The following CDH22 variants were observed in gnomAD, a reference collection of about 807,000 sequenced individuals.
The protein encoded by CDH22 is cadherin-22.
Under a neutral mutation model 58.4 loss-of-function variants are expected in CDH22, and 30 were observed. The observed-to-expected ratio is 0.51, with a 90% confidence interval of 0.38 to 0.70. The LOEUF (loss-of-function observed/expected upper bound fraction) is 0.70. CDH22 is among the 30% of genes least tolerant of loss of function. The probability of loss-of-function intolerance (pLI) is 0.00; values close to 1 mark genes in which losing one functional copy is unlikely to be tolerated. For synonymous variants in CDH22, 513 were observed against 558.2 expected (o/e 0.92, Z 1.14); for missense variants, 1,014 against 1,233.9 (o/e 0.82, Z 2.67).
At position 46,216,729 on chromosome 20, in the gene CDH22, G is replaced by C; in HGVS notation, c.838+97C>G. ...AAGAGAGGGGGAAGCCCTTCTTTTG[G>C]TGGGAAGTCTAAAGGGAAGCTGGGG... On this transcript the variant is annotated intron_variant, in intron 5 of 11. Coordinates refer to ENST00000537909, the MANE Select transcript of CDH22 (RefSeq NM_021248.3). This position sits in a 1 kb window ranked among gnomAD's most constrained non-coding sequence, Gnocchi z 5.3. 8.7e-7 allele frequency: 1 copy of C among 1,152,044 alleles called. No homozygotes were observed. Among genetic ancestry groups the C allele is most frequent in the Non-Finnish European group, 1.3e-6 (1 of 795,446 alleles). The allele number at this position is 1,152,044 out of a possible 1,614,324, so 71.4% of individuals were successfully genotyped here.
intron 1 of CDH22, among the ~76,000 whole-genome samples, chr20:46,288,604 C>G (rs1396101494): frequency 1.3e-5 from 2 of 152,176 alleles, no homozygotes; most frequent in African/African-American, 2.4e-5. Context: ...AGTCCTACCC[C>G]CAACCACACA....
chr20:46,241,821 CA>C lies in CDH22; in HGVS notation c.256-565del, dbSNP rs1295581144. ...TAGGATGGCTGTAGCCAGCACTTCT[CA>C]AACTCTAGTATGCATGCAGTTCACC... On this transcript the variant is annotated intron_variant, in intron 2 of 11. Transcript: ENST00000537909. This position sits in a 1 kb window ranked among gnomAD's most constrained non-coding sequence, Gnocchi z 5.2. Among the ~76,000 whole-genome samples the C allele has an allele frequency of 3.3e-5, 5 of 152,232 alleles. No homozygotes were observed. The highest frequency in any genetic ancestry group is 1.2e-4 in the African/African-American group (5 of 41,460).
chr20:46,193,574 C>T (rs913029391), intron 8 of CDH22, among the ~76,000 whole-genome samples: 44 of 152,282 alleles, frequency 2.9e-4, no homozygotes, highest in African/African-American at 1.0e-3. Flanking sequence ...TCCCTGTCAC[C>T]TCCAGGAGAT....
chr20:46,209,236 C>G lies in CDH22; in HGVS notation c.1286+1071G>C, dbSNP rs569171122. On this transcript the variant is annotated intron_variant, in intron 7 of 11. Coordinates refer to ENST00000537909, the MANE Select transcript of CDH22 (RefSeq NM_021248.3). The stretch of plus-strand genomic sequence containing the variant: ...GACCTGGAGGAAGTGAGAGAGCGAA[C>G]TATGGGGGCTATTAGGGCGAGAACG... 6.7e-4 allele frequency among the ~76,000 whole-genome samples: 102 copies of G among 152,250 alleles called. 1 individual carries two copies. The highest frequency in any genetic ancestry group is 1.2e-4 in the Non-Finnish European group (8 of 68,024).
chr20:46,232,880 G>A (rs1047370718), intron 3 of CDH22, among the ~76,000 whole-genome samples: 2 of 152,214 alleles, frequency 1.3e-5, no homozygotes, highest in African/African-American at 4.8e-5. Flanking sequence ...TGGCACACAG[G>A]AGATGCAGGA....
chr20:46,232,528 T>TATTATGAAGA (rs2086226709), intron 3 of CDH22, among the ~76,000 whole-genome samples: 1 of 152,122 alleles, frequency 6.6e-6, no homozygotes, highest in Non-Finnish European at 1.5e-5. Flanking sequence ...ATGAAGACGT[T>TATTATGAAGA]TGTAATTATT....
intron 11 of CDH22, among the ~76,000 whole-genome samples, chr20:46,175,987 A>T (rs1243674004): frequency 6.6e-6 from 1 of 152,202 alleles, no homozygotes; most frequent in African/African-American, 2.4e-5. Flanking sequence ...TGACTAAAGG[A>T]AGAGTTGGAT....
chr20:46,181,748 C>CTTCG (rs1281203240), intron 10 of CDH22, among the ~76,000 whole-genome samples: 2 of 26,320 alleles, frequency 7.6e-5, no homozygotes, highest in East Asian at 1.2e-3. Context: ...TCCTTCCTTC[C>CTTCG]TTCCTTCTTT....
At chr20:46,277,896 C>A (rs1027185422) in intron 1 of CDH22, among the ~76,000 whole-genome samples, 3 of 151,678 alleles carry the variant, frequency 2.0e-5, no homozygotes, top group African/African-American at 7.3e-5. Context: ...GGGGCGGTAG[C>A]TGGAGAGGAA....
intron 7 of CDH22, 109 bp from the exon 8 acceptor site, chr20:46,199,668 C>G (rs2085940359): frequency 7.4e-7 from 1 of 1,353,136 alleles, no homozygotes; most frequent in Non-Finnish European, 1.0e-6. Flanking sequence ...CTTGGACACA[C>G]ACAAGGGGCA....
At chr20:46,263,915 G>A (rs1174734085) in intron 1 of CDH22, among the ~76,000 whole-genome samples, 3 of 152,204 alleles carry the variant, frequency 2.0e-5, no homozygotes, top group African/African-American at 7.2e-5. Context: ...GGACCCGTGA[G>A]AAGGTGGTGG....
rs550090428 is a variant in CDH22, at chr20:46,203,923, G to A, written c.1287-4364C>T. Among the ~76,000 whole-genome samples, 12 of 152,276 alleles carry A rather than the reference G, an allele frequency of 7.9e-5. No individual in the cohort carries two copies. In the South Asian group the frequency reaches 2.5e-3, roughly 32 times the overall value. ...AGAACAGGTGAGGCTGGGGGAATAG[G>A]GAGAGAATATGAGTTTGTGGCAGCT... On this transcript the variant is annotated intron_variant, in intron 7 of 11. Transcript: ENST00000537909.
intron 1 of CDH22, among the ~76,000 whole-genome samples, chr20:46,257,690 A>G (rs111804020): frequency 1.2e-4 from 19 of 152,372 alleles, no homozygotes; most frequent in African/African-American, 4.6e-4. Context: ...GATACGGAGC[A>G]GGCTCCTGTA....
intron 1 of CDH22, among the ~76,000 whole-genome samples, chr20:46,307,607 G>A (rs1490638367): frequency 2.6e-5 from 4 of 152,242 alleles, no homozygotes; most frequent in Admixed American, 2.6e-4. Context: ...GGGTCGCGCC[G>A]GTGGGGCCGG....
chr20:46,175,179 G>A (rs899565095), intron 11 of CDH22, 102 bp from the exon 12 acceptor site: 10 of 1,155,792 alleles, frequency 8.7e-6, no homozygotes, highest in South Asian at 1.5e-5. Flanking sequence ...AGCAGAGCGG[G>A]CCCAGCCTCA....
chr20:46,192,826 G>T (rs889551904), intron 8 of CDH22, among the ~76,000 whole-genome samples: 5 of 152,056 alleles, frequency 3.3e-5, no homozygotes, highest in Non-Finnish European at 7.4e-5. Flanking sequence ...ACAGTGAGGC[G>T]CACGGGACGA....
At chr20:46,268,530 G>A (rs1384367840) in intron 1 of CDH22, among the ~76,000 whole-genome samples, 1 of 152,200 alleles carries the variant, frequency 6.6e-6, no homozygotes, top group Non-Finnish European at 1.5e-5. Context: ...CCCACACACG[G>A]GTTCCCTCCC....
chr20:46,254,700 G>A (rs372980184), intron 1 of CDH22, among the ~76,000 whole-genome samples: 3 of 152,150 alleles, frequency 2.0e-5, no homozygotes, highest in African/African-American at 7.2e-5. Context: ...AGGACGAAGT[G>A]GAGGGAGAAT....
intron 4 of CDH22, among the ~76,000 whole-genome samples, chr20:46,223,162 C>T (rs1260126041): frequency 6.6e-6 from 1 of 152,190 alleles, no homozygotes; most frequent in Non-Finnish European, 1.5e-5. Flanking sequence ...ACTTTCTGAC[C>T]TCTTGGGAAC....
Sources: gnomAD v4.1 joint callset for allele counts (sites outside exome capture counted in the v4.1 genomes callset) on GRCh38, gnomAD v4.1.1 for gene constraint, Gnocchi (gnomAD v3.1) non-coding constraint, MANE v1.5 for transcripts, NCBI Gene and HGNC (gene_info 2026-07-23, HGNC 2026-07-21) for gene names.